Variants in RAPGEF4 observed in about 807,000 individuals in gnomAD.
RAPGEF4 encodes Rap guanine nucleotide exchange factor 4.
Under a neutral mutation model 147.9 loss-of-function variants are expected in RAPGEF4, and 66 were observed. The observed-to-expected ratio is 0.45, with a 90% confidence interval of 0.37 to 0.55. The LOEUF is 0.55. RAPGEF4 is among the 20% of genes least tolerant of loss of function. The pLI is 0.00. For synonymous variants in RAPGEF4, 419 were observed against 442.7 expected, an observed-to-expected ratio of 0.95 and a Z score of 0.67; for missense variants, 1,071 against 1,257.3, an observed-to-expected ratio of 0.85 and a Z score of 2.24.
chr2:172,852,828 T>C (rs2552999), intron 4 of RAPGEF4, among the ~76,000 whole-genome samples: 73,162 of 151,882 alleles, frequency 0.48, 17,962 homozygotes, highest in African/African-American at 0.58. Flanking sequence ...AAATCACACA[T>C]TGATATTAAA....
intron 4 of RAPGEF4, among the ~76,000 whole-genome samples, chr2:172,869,472 T>C (rs1005164495): frequency 6.6e-6 from 1 of 152,180 alleles, no homozygotes; most frequent in Non-Finnish European, 1.5e-5. Context: ...ACATCTTGCA[T>C]GGAGTTAATG....
rs1242088985 is a variant in RAPGEF4, at chr2:172,941,525, GCC to G, written c.537+19226_537+19227del. On this transcript the variant is annotated intron_variant, in intron 6 of 30. Coordinates refer to ENST00000397081, the MANE Select transcript of RAPGEF4 (RefSeq NM_007023.4). ...GCATAATCCATGGAAAGTTCTTATT[GCC>G]ACGTCTGACAAAAAGTAAGCACTTG... Among the ~76,000 whole-genome samples the G allele has an allele frequency of 2.0e-5, 3 of 152,172 alleles. No individual in the cohort carries two copies. In the East Asian group the frequency reaches 5.8e-4, roughly 29 times the overall value.
Position 173,044,400 on chromosome 2 carries a change from C to T in RAPGEF4, c.2854-4200C>T, listed in dbSNP as rs531856549. 7.9e-5 allele frequency among the ~76,000 whole-genome samples: 12 copies of T among 152,312 alleles called. No homozygotes were observed. The South Asian group carries it at 1.9e-3, about 24-fold the overall frequency. ...GGCTGGGAAAACAAATCCTGCTGAT[C>T]TTCTACCTCCACTCTGCAACGCAGG... On this transcript the variant is annotated intron_variant, in intron 29 of 30. Transcript: ENST00000397081.
chr2:172,855,995 G>T (rs1693377001), intron 4 of RAPGEF4, among the ~76,000 whole-genome samples: 1 of 151,874 alleles, frequency 6.6e-6, no homozygotes, highest in Admixed American at 6.6e-5. Flanking sequence ...GAATTTTTAA[G>T]TTTATATCGT....
chr2:172,945,176 GT>G (rs1179786509), intron 6 of RAPGEF4, among the ~76,000 whole-genome samples: 1 of 152,084 alleles, frequency 6.6e-6, no homozygotes, highest in South Asian at 2.1e-4. Flanking sequence ...ACAAAACTAT[GT>G]TTAGGGAACC....
chr2:172,901,086 A>C (rs1232251952), intron 4 of RAPGEF4, among the ~76,000 whole-genome samples: 1 of 152,214 alleles, frequency 6.6e-6, no homozygotes, highest in Non-Finnish European at 1.5e-5. Flanking sequence ...GAATTTTCTG[A>C]GTGACATGCT....
chr2:173,003,020 G>GA, intron 17 of RAPGEF4, among the ~76,000 whole-genome samples: 1 of 151,870 alleles, frequency 6.6e-6, no homozygotes. Flanking sequence ...TTTAGACTTG[G>GA]TTTTTTTTAG....
intron 16 of RAPGEF4, among the ~76,000 whole-genome samples, 174 bp downstream of exon 16, chr2:172,996,728 G>C (rs5010643): frequency 0.92 from 140,025 of 152,186 alleles, 65,583 homozygotes; most frequent in East Asian, 1. Context: ...TCTGACTGTC[G>C]TCTTCCCTCC....
intron 3 of RAPGEF4, among the ~76,000 whole-genome samples, chr2:172,798,117 A>C (rs1686572798): frequency 6.6e-6 from 1 of 152,058 alleles, no homozygotes; most frequent in Non-Finnish European, 1.5e-5. Flanking sequence ...TGTCTTTTCA[A>C]ATGTGGAAGG....
chr2:172,791,234 C>T (rs531661271), intron 1 of RAPGEF4, among the ~76,000 whole-genome samples: 3 of 152,180 alleles, frequency 2.0e-5, no homozygotes, highest in African/African-American at 4.8e-5. Flanking sequence ...GTAGGCTCAC[C>T]TCTATGCTAT....
rs187970218 is a variant in RAPGEF4, at chr2:172,967,791, G to A, written c.1004+347G>A. Among the ~76,000 whole-genome samples, 115 of 152,298 alleles carry A rather than the reference G, an allele frequency of 7.6e-4. 1 individual carries two copies. The South Asian group carries it at 0.023, about 30-fold the overall frequency. On this transcript the variant is annotated intron_variant, in intron 10 of 30. Transcript: ENST00000397081. ...CTGTGGCAGCACCTTTCTCCCTAATGCAACAGGACAGAGGTCATCAGGACC... is the reference window on the plus strand; with the variant it reads ...CTGTGGCAGCACCTTTCTCCCTAATACAACAGGACAGAGGTCATCAGGACC...
At chr2:172,908,617 T>C (rs1329127706) in intron 4 of RAPGEF4, among the ~76,000 whole-genome samples, 3 of 152,250 alleles carry the variant, frequency 2.0e-5, no homozygotes, top group South Asian at 2.1e-4. Flanking sequence ...TGATCTAATC[T>C]TGTGGTTTGT....
intron 17 of RAPGEF4, among the ~76,000 whole-genome samples, chr2:173,006,761 A>G (rs1379493769): frequency 1.3e-5 from 2 of 152,228 alleles, no homozygotes; most frequent in Admixed American, 6.5e-5. Flanking sequence ...CAGCAGGTTC[A>G]TATTCTTTAA....
At chr2:172,955,484 T>C (rs1033208857) in intron 6 of RAPGEF4, among the ~76,000 whole-genome samples, 4 of 152,292 alleles carry the variant, frequency 2.6e-5, no homozygotes, top group Admixed American at 2.6e-4. Context: ...GAAAGCTGAA[T>C]GCCTCTGCCT....
intron 4 of RAPGEF4, among the ~76,000 whole-genome samples, chr2:172,880,215 T>C (rs1465563265): frequency 6.6e-6 from 1 of 152,186 alleles, no homozygotes; most frequent in Non-Finnish European, 1.5e-5. Flanking sequence ...AGAGCTCTGG[T>C]GGACTCAGTG....
chr2:172,820,793 C>G (rs1043762138), intron 4 of RAPGEF4, among the ~76,000 whole-genome samples: 6 of 151,940 alleles, frequency 3.9e-5, no homozygotes, highest in African/African-American at 1.5e-4. Context: ...ATGACTGTCT[C>G]TATTCCCTAA....
At chr2:172,967,485 C>T (rs1280017588) in intron 10 of RAPGEF4, 41 bp downstream of exon 10, 2 of 1,580,388 alleles carry the variant, frequency 1.3e-6, no homozygotes, top group African/African-American at 2.7e-5. Context: ...GGTCCCAAGG[C>T]CGCCTAGTGC....
chr2:172,860,041 T>A, intron 4 of RAPGEF4: 1 of 985,314 alleles, frequency 1.0e-6, no homozygotes, highest in South Asian at 4.7e-5. Flanking sequence ...GCTCTTTAAT[T>A]TAGATTACCA....
chr2:172,857,199 CACAG>C (rs1388003741), intron 4 of RAPGEF4, among the ~76,000 whole-genome samples: 2 of 145,818 alleles, frequency 1.4e-5, no homozygotes, highest in Non-Finnish European at 3.1e-5. Flanking sequence ...CACACACACA[CACAG>C]AGCGAGTCTT....
Sources: gnomAD v4.1 joint callset for allele counts (sites outside exome capture counted in the v4.1 genomes callset) on GRCh38, gnomAD v4.1.1 for gene constraint, MANE v1.5 for transcripts, NCBI Gene and HGNC (gene_info 2026-07-23, HGNC 2026-07-21) for gene names.